The following NSF variants were observed in gnomAD, a reference collection of about 807,000 sequenced individuals.
NSF encodes vesicle-fusing ATPase.
NSF carries 14 observed loss-of-function variants against 50.3 expected under a neutral mutation model. The ratio of observed to expected loss-of-function variants is 0.28; its 90% confidence interval spans 0.18 to 0.44. NSF has a LOEUF of 0.44. NSF is among the 20% of genes least tolerant of loss of function. NSF has a pLI of 1.00. For missense variants in NSF, 218 were observed against 504.3 expected (o/e 0.43, Z 5.44); for synonymous variants, 109 against 175.7 (o/e 0.62, Z 3.00).
chr17:46,742,997 TTCC>T (rs1354766385), intron 17 of NSF, among the ~76,000 whole-genome samples: 2 of 152,094 alleles, frequency 1.3e-5, no homozygotes, highest in African/African-American at 4.8e-5. Context: ...CTGAGCCAAT[TTCC>T]TCCTCAGAAG....
intron 15 of NSF, among the ~76,000 whole-genome samples, chr17:46,721,135 G>A (rs1245829499): frequency 6.6e-6 from 1 of 152,212 alleles, no homozygotes; most frequent in African/African-American, 2.4e-5. Flanking sequence ...CAGTGCTCAC[G>A]GAGTGCATGT....
intron 16 of NSF, among the ~76,000 whole-genome samples, chr17:46,727,484 G>A (rs1414810802): frequency 6.6e-6 from 1 of 152,108 alleles, no homozygotes; most frequent in East Asian, 1.9e-4. Flanking sequence ...GTCCATAATG[G>A]TGTAGTCGTG....
intron 1 of NSF, among the ~76,000 whole-genome samples, chr17:46,621,348 A>T (rs1273939758): frequency 7.3e-6 from 1 of 137,312 alleles, no homozygotes; most frequent in Non-Finnish European, 1.6e-5. Context: ...GTACAGTGAC[A>T]CGATCTCAGC....
chr17:46,600,085 G>A (rs1363051015), intron 1 of NSF, among the ~76,000 whole-genome samples: 1 of 21,510 alleles, frequency 4.6e-5, no homozygotes, highest in Non-Finnish European at 7.1e-5. Flanking sequence ...AGCTTCCTGA[G>A]TAGCTTGGAC....
At chr17:46,728,439 A>G (rs1187923187) in intron 16 of NSF, among the ~76,000 whole-genome samples, 1 of 152,128 alleles carries the variant, frequency 6.6e-6, no homozygotes, top group Admixed American at 6.6e-5. Context: ...ACATGAACTC[A>G]AAGTGAATAT....
chr17:46,722,968 T>C (rs1310509330), intron 15 of NSF, among the ~76,000 whole-genome samples: 3 of 152,210 alleles, frequency 2.0e-5, no homozygotes, highest in Non-Finnish European at 4.4e-5. Context: ...AGAACGTCAC[T>C]ACTTGATATT....
intron 19 of NSF, among the ~76,000 whole-genome samples, chr17:46,752,721 G>A (rs2059193230): frequency 6.6e-6 from 1 of 152,142 alleles, no homozygotes; most frequent in Non-Finnish European, 1.5e-5. Context: ...CTCCCAGAGT[G>A]CTGGGATTAC....
At chr17:46,672,218 C>CA (rs1349009474) in intron 8 of NSF, among the ~76,000 whole-genome samples, 1 of 31,894 alleles carries the variant, frequency 3.1e-5, no homozygotes, top group African/African-American at 1.2e-4. Context: ...GTCTGCTGAT[C>CA]AATTTATAGA....
chr17:46,714,100 T>C, intron 15 of NSF, 114 bp downstream of exon 15: 1 of 1,158,912 alleles, frequency 8.6e-7, no homozygotes, highest in Non-Finnish European at 1.2e-6. Context: ...TATGTTCTTC[T>C]CAAGTGGAAC....
chr17:46,750,998 T>G (rs777031081), intron 18 of NSF, among the ~76,000 whole-genome samples: 1 of 152,176 alleles, frequency 6.6e-6, no homozygotes, highest in Non-Finnish European at 1.5e-5. Context: ...CTTGGTGAGC[T>G]CTATTGGAAA....
intron 14 of NSF, among the ~76,000 whole-genome samples, chr17:46,712,660 CTG>C (rs2058731363): frequency 6.6e-6 from 1 of 152,132 alleles, no homozygotes; most frequent in African/African-American, 2.4e-5. Context: ...AGTATATAGA[CTG>C]TGGTTGAAGC....
At chr17:46,751,746 T>C (rs2059183800) in intron 19 of NSF, 130 bp downstream of exon 19, 2 of 562,118 alleles carry the variant, frequency 3.6e-6, no homozygotes, top group African/African-American at 1.9e-5. Flanking sequence ...TTTCCAAACT[T>C]AATTTGGTAT....
chr17:46,597,684 A>T (rs1598632344), intron 1 of NSF, among the ~76,000 whole-genome samples: 1 of 57,138 alleles, frequency 1.8e-5, no homozygotes, highest in Non-Finnish European at 3.3e-5. Flanking sequence ...TATAGACTTT[A>T]TTATTTTGAG....
intron 9 of NSF, among the ~76,000 whole-genome samples, chr17:46,684,430 G>A (rs1294683887): frequency 6.6e-6 from 1 of 151,942 alleles, no homozygotes; most frequent in East Asian, 1.9e-4. Flanking sequence ...ATAAACATGT[G>A]TGCATGTGTC....
At chr17:46,751,144 A>C (rs2059178576) in intron 18 of NSF, among the ~76,000 whole-genome samples, 2 of 152,214 alleles carry the variant, frequency 1.3e-5, no homozygotes, top group Admixed American at 1.3e-4. Context: ...TTTGTGCAGA[A>C]GCTGGGTAAG....
chr17:46,707,173 A>C (rs1257001285), intron 13 of NSF, among the ~76,000 whole-genome samples: 1 of 152,046 alleles, frequency 6.6e-6, no homozygotes, highest in Non-Finnish European at 1.5e-5. Flanking sequence ...TTTGCCATTC[A>C]GTTAGGTGTA....
At chr17:46,716,025 G>T (rs1344096698) in intron 15 of NSF, among the ~76,000 whole-genome samples, 1 of 152,106 alleles carries the variant, frequency 6.6e-6, no homozygotes. Context: ...TGTCATTAAA[G>T]TTCAGAAAAG....
Position 46,737,908 on chromosome 17 carries a change from ATATTATTAT to A in NSF, c.1908+9010_1908+9018del, listed in dbSNP as rs138655503. 8.3e-3 allele frequency among the ~76,000 whole-genome samples: 1,218 copies of A among 145,890 alleles called. 22 individuals carry two copies. The highest frequency in any genetic ancestry group is 0.029 in the African/African-American group (1,116 of 38,910). ...AGGATTTATGTATGCTAAAATTAGC[ATATTATTAT>A]TATTATTATTATTATTATTATTATT... On this transcript the variant is annotated intron_variant, in intron 17 of 20. Coordinates refer to ENST00000398238, the MANE Select transcript of NSF (RefSeq NM_006178.4).
chr17:46,744,807 A>G (rs1326101713), intron 17 of NSF, among the ~76,000 whole-genome samples: 9 of 152,182 alleles, frequency 5.9e-5, no homozygotes, highest in African/African-American at 1.9e-4. Context: ...TGAAGGATCA[A>G]CACCTGACTG....
Sources: allele counts gnomAD v4.1 joint callset (sites outside exome capture counted in the v4.1 genomes callset), GRCh38; gene constraint gnomAD v4.1.1; transcripts MANE v1.5; gene names NCBI Gene and HGNC (gene_info 2026-07-23, HGNC 2026-07-21).